The following TBC1D5 variants were observed in gnomAD, a reference collection of about 807,000 sequenced individuals.
The protein encoded by TBC1D5 is TBC1 domain family member 5.
A neutral mutation model predicts 100.3 loss-of-function variants in TBC1D5; 75 were observed. The observed-to-expected ratio is 0.75, with a 90% CI of 0.62 to 0.91. The LOEUF (loss-of-function observed/expected upper bound fraction) is 0.91, where lower values mean the gene tolerates loss of function less well. Ranked by LOEUF, TBC1D5 falls within the 40% of genes least tolerant of loss-of-function variation. The pLI is 0.00. For missense variants in TBC1D5, 910 were observed against 942.4 expected (o/e 0.97, Z 0.45); for synonymous variants, 323 against 325.6 (o/e 0.99, Z 0.09).
intron 1 of TBC1D5, among the ~76,000 whole-genome samples, chr3:17,737,791 T>G: frequency 6.6e-6 from 1 of 151,072 alleles, no homozygotes; most frequent in Non-Finnish European, 1.5e-5. Context: ...TCATCTGTAA[T>G]GCCTATTTCA....
At chr3:17,463,188 C>T (rs2095245315) in intron 3 of TBC1D5, among the ~76,000 whole-genome samples, 2 of 152,180 alleles carry the variant, frequency 1.3e-5, no homozygotes, top group South Asian at 4.1e-4. Context: ...TGGTGTCTGG[C>T]ATATTACTGA....
At chr3:17,593,309 A>G (rs1221734576) in intron 2 of TBC1D5, among the ~76,000 whole-genome samples, 1 of 152,130 alleles carries the variant, frequency 6.6e-6, no homozygotes, top group East Asian at 1.9e-4. Flanking sequence ...CAATGGGCCC[A>G]TGAACAAAGT....
chr3:17,554,850 T>C (rs1317620439), intron 2 of TBC1D5, among the ~76,000 whole-genome samples: 3 of 151,838 alleles, frequency 2.0e-5, no homozygotes, highest in African/African-American at 7.3e-5. Context: ...TCTGTGCTTT[T>C]TTTTTTTCTT....
At chr3:17,367,607 C>T (rs369256294) in intron 13 of TBC1D5, among the ~76,000 whole-genome samples, 2 of 152,050 alleles carry the variant, frequency 1.3e-5, no homozygotes, top group Non-Finnish European at 2.9e-5. Flanking sequence ...ACGTGTAACC[C>T]CAGCACTTTG....
rs914981066 is a variant in TBC1D5, at chr3:17,564,565, G to C, written c.-35-55960C>G. Reference sequence around the variant, plus strand: ...TTTATGAAAGAAATAAATTTGAACTGATTCTTGAAGAAAGAAGGAGGTAGG... The same window carrying C: ...TTTATGAAAGAAATAAATTTGAACTCATTCTTGAAGAAAGAAGGAGGTAGG... On this transcript the variant is annotated intron_variant, in intron 2 of 21. Coordinates refer to ENST00000253692, the Ensembl canonical transcript of TBC1D5. Among the ~76,000 whole-genome samples the C allele has an allele frequency of 3.3e-5, 5 of 152,262 alleles. No individual in the cohort carries two copies. The South Asian group carries it at 1.0e-3, about 32-fold the overall frequency.
chr3:17,722,091 G>A (rs115974987), intron 1 of TBC1D5, among the ~76,000 whole-genome samples: 1 of 152,054 alleles, frequency 6.6e-6, no homozygotes, highest in East Asian at 1.9e-4. Flanking sequence ...CAAATCAACA[G>A]GTAAAGCCTT....
chr3:17,728,363 C>A (rs1411799860), intron 1 of TBC1D5, among the ~76,000 whole-genome samples: 1 of 152,018 alleles, frequency 6.6e-6, no homozygotes, highest in Non-Finnish European at 1.5e-5. Flanking sequence ...TATTTTCTAC[C>A]TAGAAAACCA....
chr3:17,220,962 AC>A (rs2074217548), intron 17 of TBC1D5, among the ~76,000 whole-genome samples: 1 of 152,082 alleles, frequency 6.6e-6, no homozygotes, highest in Non-Finnish European at 1.5e-5. Flanking sequence ...ATTGACTTAT[AC>A]CCCTCCAGTG....
chr3:17,168,449 C>G (rs2066858008), intron 19 of TBC1D5, among the ~76,000 whole-genome samples: 1 of 152,144 alleles, frequency 6.6e-6, no homozygotes, highest in South Asian at 2.1e-4. Flanking sequence ...ACCCACCAAG[C>G]CAGCTTCTGA....
At chr3:17,216,601 T>C (rs1301856661) in intron 17 of TBC1D5, among the ~76,000 whole-genome samples, 2 of 152,122 alleles carry the variant, frequency 1.3e-5, no homozygotes, top group African/African-American at 4.8e-5. Context: ...AGAAGTATCC[T>C]ATGCTTATAA....
At chr3:17,541,339 T>C (rs1222068995) in intron 2 of TBC1D5, among the ~76,000 whole-genome samples, 1 of 152,174 alleles carries the variant, frequency 6.6e-6, no homozygotes, top group Non-Finnish European at 1.5e-5. Flanking sequence ...ATGTCTTTAA[T>C]TTATTTCAAT....
chr3:17,177,925 GT>G (rs1406943339), intron 19 of TBC1D5, among the ~76,000 whole-genome samples: 2 of 151,976 alleles, frequency 1.3e-5, no homozygotes, highest in African/African-American at 4.8e-5. Flanking sequence ...GAGTTCAATT[GT>G]TTTTATTTTT....
chr3:17,570,908 G>T (rs1337622285), intron 2 of TBC1D5, among the ~76,000 whole-genome samples: 1 of 151,894 alleles, frequency 6.6e-6, no homozygotes, highest in Non-Finnish European at 1.5e-5. Context: ...ATTTAATACT[G>T]CTACATTTCC....
intron 1 of TBC1D5, among the ~76,000 whole-genome samples, chr3:17,678,321 A>G (rs1481814982): frequency 6.6e-6 from 1 of 152,186 alleles, no homozygotes; most frequent in African/African-American, 2.4e-5. Flanking sequence ...TGCATCTTGC[A>G]AAATGAGTAC....
At chr3:17,658,568 G>C (rs543373865) in intron 1 of TBC1D5, among the ~76,000 whole-genome samples, 2 of 152,240 alleles carry the variant, frequency 1.3e-5, no homozygotes, top group East Asian at 3.9e-4. Flanking sequence ...CCAAGGAAAA[G>C]GCAATCTGTT....
At chr3:17,536,932 A>G (rs959349808) in intron 2 of TBC1D5, among the ~76,000 whole-genome samples, 2 of 152,186 alleles carry the variant, frequency 1.3e-5, no homozygotes, top group African/African-American at 4.8e-5. Flanking sequence ...TCTCAGAGTT[A>G]GCAGCCTTCT....
intron 1 of TBC1D5, among the ~76,000 whole-genome samples, chr3:17,648,976 G>A (rs751921575): frequency 6.6e-6 from 1 of 152,020 alleles, no homozygotes; most frequent in Non-Finnish European, 1.5e-5. Context: ...CCCATTACTG[G>A]GTATATACCC....
intron 8 of TBC1D5, among the ~76,000 whole-genome samples, chr3:17,396,106 T>C (rs2093497727): frequency 6.6e-6 from 1 of 152,070 alleles, no homozygotes; most frequent in Non-Finnish European, 1.5e-5. Flanking sequence ...CGGCTTGTGT[T>C]GTAGTTTTCA....
intron 13 of TBC1D5, among the ~76,000 whole-genome samples, chr3:17,343,227 T>C (rs1204498920): frequency 6.6e-6 from 1 of 152,212 alleles, no homozygotes; most frequent in East Asian, 1.9e-4. Flanking sequence ...GAGATAATCA[T>C]GTGGTTTTTG....
Sources: allele counts gnomAD v4.1 joint callset (sites outside exome capture counted in the v4.1 genomes callset), GRCh38; gene constraint gnomAD v4.1.1; transcripts MANE v1.5; gene names NCBI Gene and HGNC (gene_info 2026-07-23, HGNC 2026-07-21).